CACNA1A: variants seen among roughly 807,000 people sequenced by gnomAD.
CACNA1A encodes the protein voltage-dependent P/Q-type calcium channel subunit alpha-1A.
In CACNA1A, 57 loss-of-function variants were observed where a neutral mutation model predicts 262.4. The observed-to-expected ratio is 0.22, with a 90% CI of 0.18 to 0.27. CACNA1A has a LOEUF of 0.27. Ranked by LOEUF, CACNA1A falls within the 10% of genes least tolerant of loss-of-function variation. The pLI, the probability that CACNA1A is intolerant of heterozygous loss-of-function variation, is 1.00. For synonymous variants in CACNA1A, 1,431 were observed against 1,419.3 expected (o/e 1.01, Z -0.18); for missense variants, 2,526 against 3,562.8 (o/e 0.71, Z 7.41).
At chr19:13,261,114 C>A in intron 26 of CACNA1A, 1 of 234,414 alleles carries the variant, frequency 4.3e-6, no homozygotes, top group Non-Finnish European at 8.3e-6. Flanking sequence ...TCATGTCCCA[C>A]ATGGGAATCT....
chr19:13,228,326 G>C (rs968336058), intron 36 of CACNA1A, among the ~76,000 whole-genome samples: 1 of 151,886 alleles, frequency 6.6e-6, no homozygotes, highest in Non-Finnish European at 1.5e-5. Context: ...TAGGGGCTTT[G>C]GGAGGTGAGG....
intron 34 of CACNA1A, among the ~76,000 whole-genome samples, chr19:13,234,061 A>AAG (rs1407978724): frequency 6.7e-6 from 1 of 148,694 alleles, no homozygotes; most frequent in East Asian, 2.0e-4. Flanking sequence ...AAAAAAAAAA[A>AAG]AAAAAGGGCT....
chr19:13,410,404 AT>A (rs983955699), intron 3 of CACNA1A, among the ~76,000 whole-genome samples: 23 of 151,350 alleles, frequency 1.5e-4, no homozygotes, highest in South Asian at 6.3e-4. Context: ...TTAAAAAAAA[AT>A]TTTTTTTGTA....
chr19:13,254,630 G>A (rs1015669890), intron 29 of CACNA1A, among the ~76,000 whole-genome samples: 4 of 152,082 alleles, frequency 2.6e-5, no homozygotes, highest in African/African-American at 9.7e-5. Flanking sequence ...CCAAAGTTCT[G>A]GGATTACAGG....
intron 36 of CACNA1A, chr19:13,229,033 T>G: frequency 3.7e-6 from 1 of 270,290 alleles, no homozygotes; most frequent in Non-Finnish European, 7.0e-6. Context: ...TGCATCTGCC[T>G]CCTCCACAGT....
intron 6 of CACNA1A, among the ~76,000 whole-genome samples, chr19:13,349,148 G>A (rs1167101136): frequency 6.6e-6 from 1 of 152,120 alleles, no homozygotes; most frequent in African/African-American, 2.4e-5. Flanking sequence ...GGGGACCTTG[G>A]CAGGTCACGT....
chr19:13,207,616 G>C lies in CACNA1A; in HGVS notation c.7218C>G (p.His2406Gln). The change falls in exon 47 of 47, where the codon CAC becomes CAG. Residue 2406 changes from histidine (H) to glutamine (Q), a missense_variant. Around this residue, in one of 17 missense-constraint regions of CACNA1A, gnomAD observed 929 missense variants for 868.1 expected, o/e 1.07. Transcript: ENST00000360228. The surrounding 1 kb of genome is among the most constrained non-coding windows in gnomAD (Gnocchi z 5.7). ...HVSEGPPGPR[H>Q]HGYYRGSDYD... ...AGTCGGAGCCCCGGTAGTAGCCATG[G>C]TGCCGGGGACCCGGGGGCCCCTCGG... 1.4e-6 allele frequency: 2 copies of C among 1,480,454 alleles called. No homozygotes were observed. Among genetic ancestry groups the C allele is most frequent in the Non-Finnish European group, 1.8e-6 (2 of 1,115,788 alleles). The allele number at this position is 1,480,454 out of a possible 1,614,324, so 91.7% of individuals were successfully genotyped here. A position where few individuals can be genotyped will look rare whatever the true frequency, so the allele number is the denominator to read the frequency against.
chr19:13,298,395 C>T (rs1309042355), intron 19 of CACNA1A, 149 bp downstream of exon 19: 15 of 710,912 alleles, frequency 2.1e-5, no homozygotes, highest in Non-Finnish European at 3.3e-5. Flanking sequence ...TCCCAAAGTG[C>T]TGGGATTACA....
At chr19:13,258,570 G>A (rs1351324745) in intron 27 of CACNA1A, 2 of 152,106 alleles carry the variant, frequency 1.3e-5, no homozygotes, top group Non-Finnish European at 2.9e-5. Flanking sequence ...TGTTGAGAAA[G>A]GTGTTTAAAA....
At chr19:13,492,317 T>C (rs1318029428) in intron 1 of CACNA1A, among the ~76,000 whole-genome samples, 1 of 152,052 alleles carries the variant, frequency 6.6e-6, no homozygotes, top group African/African-American at 2.4e-5. Flanking sequence ...ATGCTCTATG[T>C]CTTAAGTCAC....
intron 33 of CACNA1A, 48 bp downstream of exon 33, chr19:13,235,161 G>C: frequency 6.3e-7 from 1 of 1,589,284 alleles, no homozygotes; most frequent in Non-Finnish European, 8.6e-7. Context: ...TCTAAGGGTG[G>C]CTGCCCTCCT....
intron 22 of CACNA1A, 53 bp from the exon 23 acceptor site, chr19:13,277,181 G>T: frequency 2.3e-6 from 3 of 1,329,350 alleles, no homozygotes; most frequent in Non-Finnish European, 3.2e-6. Context: ...TTCCAGCAGA[G>T]CCCCGGTAAA....
intron 3 of CACNA1A, among the ~76,000 whole-genome samples, chr19:13,382,325 C>G (rs1290469901): frequency 6.6e-6 from 1 of 152,140 alleles, no homozygotes; most frequent in African/African-American, 2.4e-5. Flanking sequence ...TGTGACCTTT[C>G]CCATTGCCTT....
chr19:13,292,393 G>A (rs1174317687), intron 19 of CACNA1A, among the ~76,000 whole-genome samples: 4 of 151,796 alleles, frequency 2.6e-5, no homozygotes, highest in South Asian at 4.2e-4. Context: ...TGGGAGGATC[G>A]CTTGAACCCA....
At chr19:13,237,831 C>T (rs1447463729) in intron 31 of CACNA1A, among the ~76,000 whole-genome samples, 1 of 152,214 alleles carries the variant, frequency 6.6e-6, no homozygotes, top group Non-Finnish European at 1.5e-5. Flanking sequence ...GCTCAGGTAT[C>T]CCCAGCCCCC....
intron 1 of CACNA1A, among the ~76,000 whole-genome samples, chr19:13,464,778 G>A (rs574294967): frequency 3.2e-4 from 48 of 152,000 alleles, no homozygotes; most frequent in African/African-American, 9.4e-4. Context: ...TCGATCTCCT[G>A]ACCTTGTGAT....
chr19:13,291,327 C>T (rs182822136), intron 19 of CACNA1A, among the ~76,000 whole-genome samples: 2 of 152,008 alleles, frequency 1.3e-5, no homozygotes, highest in African/African-American at 2.4e-5. Context: ...CGTGTCCCCA[C>T]CCCCTGTCCT....
Position 13,207,683 on chromosome 19 carries a change from C to A in CACNA1A, c.7151G>T (p.Arg2384Leu). ...PARSESPRACRHGGARWPASG... is the reference protein window; with the variant it reads ...PARSESPRACLHGGARWPASG... The stretch of plus-strand genomic sequence containing the variant: ...TGCCGGCCACCGGGCCCCGCCGTGT[C>A]GACAGGCCCTGGGGGACTCGCTCCG... Residue 2384 changes from arginine (R) to leucine (L), a missense_variant, in exon 47 of 47, where the codon CGA becomes CTA. Arg to Leu is a moderately radical substitution (Grantham distance 102). Around this residue, in one of 17 missense-constraint regions of CACNA1A, gnomAD observed 929 missense variants for 868.1 expected, o/e 1.07. Coordinates refer to ENST00000360228, the MANE Select transcript of CACNA1A (RefSeq NM_001127222.2). The surrounding 1 kb of genome is among the most constrained non-coding windows in gnomAD (Gnocchi z 5.7). 7.0e-7 allele frequency: 1 copy of A among 1,420,674 alleles called. No individual in the cohort carries two copies. Among genetic ancestry groups the A allele is most frequent in the Non-Finnish European group, 9.2e-7 (1 of 1,086,512 alleles). 88.0% of individuals were successfully genotyped at this position (1,420,674 alleles called of 1,614,324 possible).
chr19:13,217,256 C>A (rs368793311), intron 38 of CACNA1A, among the ~76,000 whole-genome samples: 5 of 151,888 alleles, frequency 3.3e-5, no homozygotes, highest in Non-Finnish European at 7.4e-5. Flanking sequence ...GAGACAGAGA[C>A]AGAGAGAATG....
Sources: allele counts gnomAD v4.1 joint callset (sites outside exome capture counted in the v4.1 genomes callset), GRCh38; gene constraint gnomAD v4.1.1; regional missense constraint gnomAD v4.1.1; non-coding constraint Gnocchi (gnomAD v3.1); transcripts MANE v1.5; gene names NCBI Gene and HGNC (gene_info 2026-07-23, HGNC 2026-07-21).